Variants in BACH2 observed in about 807,000 individuals in gnomAD.
BACH2 encodes BACH transcriptional regulator 2, also known as transcription regulator protein BACH2.
Under a neutral mutation model 61.8 loss-of-function variants are expected in BACH2, and 5 were observed. That is an observed-to-expected ratio of 0.08 (90% CI 0.04 to 0.17). The LOEUF is 0.17. BACH2 is among the 10% of genes least tolerant of loss of function. BACH2 has a pLI of 1.00. For synonymous variants in BACH2, 446 were observed against 440.1 expected (o/e 1.01, Z -0.17); for missense variants, 824 against 1,091.1 (o/e 0.76, Z 3.45).
intron 4 of BACH2, among the ~76,000 whole-genome samples, chr6:90,099,464 G>A (rs561673135): frequency 8.5e-5 from 13 of 152,076 alleles, no homozygotes; most frequent in South Asian, 2.1e-4. Flanking sequence ...CTGCATCCTC[G>A]AACTCTTGGG....
rs925743025 is a variant in BACH2 at position 90,243,716 on chromosome 6, T to A, written c.-275+8797A>T. Among the ~76,000 whole-genome samples the A allele has an allele frequency of 2.0e-5, 3 of 152,206 alleles. No homozygotes were observed. In the South Asian group the frequency reaches 6.2e-4, roughly 31 times the overall value. ...TGAATTTGGCAAAAATGATGATGGATCCAAAAAAGCTAGCATCCTTTTCTC... is the reference window on the plus strand; with the variant it reads ...TGAATTTGGCAAAAATGATGATGGAACCAAAAAAGCTAGCATCCTTTTCTC... On this transcript the variant is annotated intron_variant, in intron 3 of 8. Transcript: ENST00000257749.
At chr6:90,188,019 C>T (rs1419138838) in intron 4 of BACH2, among the ~76,000 whole-genome samples, 7 of 152,144 alleles carry the variant, frequency 4.6e-5, no homozygotes, top group Admixed American at 2.6e-4. Flanking sequence ...GCAAGGGAGC[C>T]CAGTGGTCAT....
intron 6 of BACH2, among the ~76,000 whole-genome samples, chr6:89,992,301 A>G (rs532959999): frequency 6.6e-6 from 1 of 152,326 alleles, no homozygotes; most frequent in Non-Finnish European, 1.5e-5. Context: ...TAGTGTACAT[A>G]TCCCTCTGCA....
chr6:90,038,550 A>G (rs1194200373), intron 5 of BACH2, among the ~76,000 whole-genome samples: 1 of 152,128 alleles, frequency 6.6e-6, no homozygotes, highest in Non-Finnish European at 1.5e-5. Flanking sequence ...TGGTTGGTTC[A>G]AATTTCCTAA....
intron 3 of BACH2, among the ~76,000 whole-genome samples, chr6:90,212,443 A>T (rs1562507560): frequency 6.6e-6 from 1 of 152,152 alleles, no homozygotes; most frequent in Non-Finnish European, 1.5e-5. Flanking sequence ...GTTACAGCAG[A>T]TGTGTGGCTG....
chr6:90,218,688 G>A (rs550474384), intron 3 of BACH2, among the ~76,000 whole-genome samples: 1 of 151,968 alleles, frequency 6.6e-6, no homozygotes, highest in Non-Finnish European at 1.5e-5. Flanking sequence ...TTACCCGCCT[G>A]TCAGGCCTGA....
At chr6:90,022,099 C>A (rs988744670) in intron 5 of BACH2, among the ~76,000 whole-genome samples, 1 of 152,180 alleles carries the variant, frequency 6.6e-6, no homozygotes, top group Non-Finnish European at 1.5e-5. Context: ...GTTTTTACTG[C>A]ACTGCTGAAA....
At chr6:90,208,082 A>G (rs1048132459) in intron 3 of BACH2, among the ~76,000 whole-genome samples, 1 of 152,218 alleles carries the variant, frequency 6.6e-6, no homozygotes, top group Non-Finnish European at 1.5e-5. Flanking sequence ...CTTAAATGTA[A>G]GATCTAAAAC....
intron 6 of BACH2, among the ~76,000 whole-genome samples, chr6:90,006,100 C>T (rs1400463592): frequency 1.3e-5 from 2 of 152,192 alleles, no homozygotes; most frequent in African/African-American, 2.4e-5. Flanking sequence ...ATGTCATATA[C>T]ATTTGTATCC....
At chr6:90,012,817 G>GC (rs1426364525) in intron 5 of BACH2, among the ~76,000 whole-genome samples, 1 of 151,808 alleles carries the variant, frequency 6.6e-6, no homozygotes, top group African/African-American at 2.4e-5. Context: ...AGAGGCATGT[G>GC]CCACCGTGCT....
At chr6:90,020,519 C>T in intron 5 of BACH2, among the ~76,000 whole-genome samples, 1 of 151,960 alleles carries the variant, frequency 6.6e-6, no homozygotes. Flanking sequence ...CAGTCCTCAT[C>T]AGCAAGAAGG....
At chr6:90,095,514 G>C (rs1782345745) in intron 4 of BACH2, among the ~76,000 whole-genome samples, 1 of 152,120 alleles carries the variant, frequency 6.6e-6, no homozygotes, top group Non-Finnish European at 1.5e-5. Flanking sequence ...ACCAAAGCTA[G>C]AAAATTCACT....
intron 4 of BACH2, among the ~76,000 whole-genome samples, chr6:90,191,549 G>C (rs959720165): frequency 3.3e-5 from 5 of 152,186 alleles, no homozygotes; most frequent in African/African-American, 1.2e-4. Flanking sequence ...ATTCCAATGT[G>C]ACGGAATGGA....
chr6:90,234,874 T>C (rs1426701734), intron 3 of BACH2, among the ~76,000 whole-genome samples: 1 of 152,176 alleles, frequency 6.6e-6, no homozygotes, highest in Non-Finnish European at 1.5e-5. Context: ...ATCCCACCTT[T>C]GGCACTCACT....
intron 4 of BACH2, among the ~76,000 whole-genome samples, chr6:90,176,950 T>C (rs1328470000): frequency 6.6e-6 from 1 of 152,196 alleles, no homozygotes; most frequent in Non-Finnish European, 1.5e-5. Context: ...CTGGCTTCTC[T>C]GGCTGGAGAC....
At chr6:90,171,167 T>C (rs1459060151) in intron 4 of BACH2, among the ~76,000 whole-genome samples, 2 of 151,936 alleles carry the variant, frequency 1.3e-5, no homozygotes, top group Non-Finnish European at 2.9e-5. Flanking sequence ...TCCCAGCACT[T>C]TGGGAGGCCG....
chr6:90,002,821 A>G (rs1471987414), intron 6 of BACH2, among the ~76,000 whole-genome samples: 1 of 152,066 alleles, frequency 6.6e-6, no homozygotes. Context: ...CGAGTCCCCA[A>G]TCCTACTCCT....
chr6:90,042,672 C>T (rs1333870756), intron 5 of BACH2, among the ~76,000 whole-genome samples: 1 of 152,134 alleles, frequency 6.6e-6, no homozygotes, highest in Non-Finnish European at 1.5e-5. Context: ...AACATAAGGA[C>T]AAGTCATACA....
intron 4 of BACH2, among the ~76,000 whole-genome samples, chr6:90,145,644 TG>T (rs879144136): frequency 2.1e-4 from 32 of 152,356 alleles, no homozygotes; most frequent in African/African-American, 7.2e-4. Context: ...TAAAATTGTG[TG>T]AAGTGACATT....
Sources: allele counts gnomAD v4.1 joint callset (sites outside exome capture counted in the v4.1 genomes callset), GRCh38; gene constraint gnomAD v4.1.1; transcripts MANE v1.5; gene names NCBI Gene and HGNC (gene_info 2026-07-23, HGNC 2026-07-21).